CSMD1: variants seen among roughly 807,000 people sequenced by gnomAD.
CSMD1 encodes the protein CUB and Sushi multiple domains 1, also known as CUB and sushi domain-containing protein 1.
CSMD1 carries 213 observed loss-of-function variants against 417.5 expected under a neutral mutation model. That is an observed-to-expected ratio of 0.51 (90% confidence interval 0.46 to 0.57). The LOEUF (loss-of-function observed/expected upper bound fraction) is 0.57, where lower values mean the gene tolerates loss of function less well. CSMD1 is among the 20% of genes least tolerant of loss of function. The pLI, the probability that CSMD1 is intolerant of heterozygous loss-of-function variation, is 0.00. For synonymous variants in CSMD1, 2,862 were observed against 1,736.8 expected (o/e 1.65, Z -16.11); for missense variants, 6,923 against 4,529.7 (o/e 1.53, Z -15.17).
intron 5 of CSMD1, among the ~76,000 whole-genome samples, chr8:3,982,121 G>A (rs1007787699): frequency 6.6e-6 from 1 of 150,500 alleles, no homozygotes; most frequent in Non-Finnish European, 1.5e-5. Flanking sequence ...TTGCACAACT[G>A]CACTCCAGCC....
intron 3 of CSMD1, among the ~76,000 whole-genome samples, chr8:4,271,958 G>A (rs1469706580): frequency 2.0e-5 from 3 of 152,172 alleles, no homozygotes; most frequent in African/African-American, 7.2e-5. Flanking sequence ...TCATGTATGG[G>A]CAAAGTCAGC....
intron 6 of CSMD1, among the ~76,000 whole-genome samples, chr8:3,733,183 ACACACACACACACACACACACACT>A (rs1222451840): frequency 6.8e-6 from 1 of 147,142 alleles, no homozygotes; most frequent in African/African-American, 2.6e-5. Flanking sequence ...ACACACACAC[ACACACACACACACACACACACACT>A]CTCTCTCTCT....
At chr8:3,763,587 G>C (rs1380831998) in intron 5 of CSMD1, among the ~76,000 whole-genome samples, 1 of 152,144 alleles carries the variant, frequency 6.6e-6, no homozygotes, top group African/African-American at 2.4e-5. Flanking sequence ...GGTACAGCCT[G>C]TGGAATTCTG....
At chr8:3,646,911 G>C (rs13281779) in intron 7 of CSMD1, among the ~76,000 whole-genome samples, 47,059 of 152,020 alleles carry the variant, frequency 0.31, 8,204 homozygotes, top group Middle Eastern at 0.47. Flanking sequence ...GGCTTAGGTA[G>C]GGCAGATACA....
chr8:4,211,204 C>T (rs1183476354), intron 3 of CSMD1, among the ~76,000 whole-genome samples: 2 of 145,496 alleles, frequency 1.4e-5, no homozygotes, highest in Admixed American at 6.9e-5. Context: ...AGTCATTTGC[C>T]TTTTTTTTTT....
intron 12 of CSMD1, among the ~76,000 whole-genome samples, chr8:3,435,745 C>T (rs1424295113): frequency 6.6e-6 from 1 of 152,182 alleles, no homozygotes; most frequent in African/African-American, 2.4e-5. Context: ...CAATCAGGTT[C>T]TTCCTCGAAC....
intron 3 of CSMD1, among the ~76,000 whole-genome samples, chr8:4,194,224 C>G (rs1799201270): frequency 6.6e-6 from 1 of 152,090 alleles, no homozygotes; most frequent in African/African-American, 2.4e-5. Flanking sequence ...GTCCAGCAAT[C>G]AACACTGCTG....
chr8:4,316,090 A>C (rs1240573862), intron 3 of CSMD1, among the ~76,000 whole-genome samples: 1 of 152,212 alleles, frequency 6.6e-6, no homozygotes, highest in Admixed American at 6.5e-5. Context: ...TGGGTTATTA[A>C]AAGCCAACCA....
At chr8:3,472,249 C>G (rs1817148728) in intron 11 of CSMD1, among the ~76,000 whole-genome samples, 1 of 152,066 alleles carries the variant, frequency 6.6e-6, no homozygotes, top group Admixed American at 6.6e-5. Flanking sequence ...ATACCTTGCA[C>G]CTTCCTACTC....
At chr8:3,452,624 G>A (rs1004925346) in intron 12 of CSMD1, among the ~76,000 whole-genome samples, 5 of 152,188 alleles carry the variant, frequency 3.3e-5, no homozygotes, top group African/African-American at 1.2e-4. Context: ...TATGTTAATT[G>A]ATTTGGGTAT....
intron 3 of CSMD1, among the ~76,000 whole-genome samples, chr8:4,088,707 G>A (rs1018950326): frequency 2.6e-5 from 4 of 151,618 alleles, no homozygotes; most frequent in East Asian, 1.9e-4. Flanking sequence ...TCAGCTCCCC[G>A]ACCCCAAAGC....
At chr8:3,752,623 C>T (rs1328661265) in intron 6 of CSMD1, among the ~76,000 whole-genome samples, 2 of 143,030 alleles carry the variant, frequency 1.4e-5, no homozygotes, top group Admixed American at 1.5e-4. Flanking sequence ...CACTGCACTC[C>T]AGCCCAGACA....
chr8:3,954,136 G>A (rs921736206), intron 5 of CSMD1, among the ~76,000 whole-genome samples: 7 of 152,182 alleles, frequency 4.6e-5, no homozygotes, highest in Non-Finnish European at 1.0e-4. Context: ...TTTCCCGAGG[G>A]GAATCACATA....
rs570309250 is a variant in CSMD1, at chr8:3,682,195, T to C, written c.1009+26219A>G. On this transcript the variant is annotated intron_variant, in intron 7 of 69. Transcript: ENST00000635120. ...CAAAAGCCAAAATTGACAAATGGGA[T>C]CTAATTAAACTAAAGAGCTTCTGCA... Among the ~76,000 whole-genome samples, 278 of 152,116 alleles carry C rather than the reference T, an allele frequency of 1.8e-3. 1 individual carries two copies. The highest frequency in any genetic ancestry group is 6.3e-3 in the African/African-American group (260 of 41,486).
chr8:3,258,573 C>A (rs540218309), intron 26 of CSMD1, among the ~76,000 whole-genome samples: 2 of 152,276 alleles, frequency 1.3e-5, no homozygotes, highest in South Asian at 4.1e-4. Flanking sequence ...TATCATTGGA[C>A]CTAGCAATCC....
chr8:3,867,264 A>G (rs1805168820), intron 5 of CSMD1, among the ~76,000 whole-genome samples: 1 of 152,204 alleles, frequency 6.6e-6, no homozygotes. Context: ...AAGCAAGACC[A>G]TACCATTACA....
intron 54 of CSMD1, among the ~76,000 whole-genome samples, chr8:2,995,259 C>T (rs951521559): frequency 1.3e-5 from 2 of 152,200 alleles, no homozygotes; most frequent in Non-Finnish European, 1.5e-5. Flanking sequence ...AGACATTTCA[C>T]TGAAGAGTAC....
chr8:3,787,096 C>T (rs1309402861), intron 5 of CSMD1, among the ~76,000 whole-genome samples: 1 of 152,076 alleles, frequency 6.6e-6, no homozygotes, highest in Non-Finnish European at 1.5e-5. Context: ...TTAAACCAAG[C>T]TTTATGGTAA....
At chr8:3,809,650 C>G (rs1473156607) in intron 5 of CSMD1, among the ~76,000 whole-genome samples, 1 of 152,142 alleles carries the variant, frequency 6.6e-6, no homozygotes, top group Admixed American at 6.5e-5. Flanking sequence ...AATTCTCATT[C>G]TAACATCAGG....
Sources: gnomAD v4.1 joint callset for allele counts (sites outside exome capture counted in the v4.1 genomes callset) on GRCh38, gnomAD v4.1.1 for gene constraint, MANE v1.5 for transcripts, NCBI Gene and HGNC (gene_info 2026-07-23, HGNC 2026-07-21) for gene names.